Variants in CPNE4 observed in about 807,000 individuals in gnomAD.
CPNE4 encodes copine 4.
In CPNE4, 25 loss-of-function variants were observed where a neutral mutation model predicts 67.9. The ratio of observed to expected loss-of-function variants is 0.37; its 90% CI spans 0.27 to 0.51. The LOEUF (loss-of-function observed/expected upper bound fraction) is 0.51. Ranked by LOEUF, CPNE4 falls within the 20% of genes least tolerant of loss-of-function variation. The probability of loss-of-function intolerance (pLI) is 0.93; values close to 1 mark genes in which losing one functional copy is unlikely to be tolerated. For synonymous variants in CPNE4, 242 were observed against 244.9 expected, an observed-to-expected ratio of 0.99 and a Z score of 0.11; for missense variants, 464 against 690.8, an observed-to-expected ratio of 0.67 and a Z score of 3.68.
chr3:131,740,608 G>A (rs1256178894), intron 2 of CPNE4, among the ~76,000 whole-genome samples: 1 of 152,150 alleles, frequency 6.6e-6, no homozygotes, highest in Non-Finnish European at 1.5e-5. Flanking sequence ...TTCATGCCAA[G>A]TCACTATTCT....
At chr3:131,745,958 G>T (rs763442448) in intron 2 of CPNE4, among the ~76,000 whole-genome samples, 15 of 152,062 alleles carry the variant, frequency 9.9e-5, no homozygotes, top group Non-Finnish European at 1.5e-4. Flanking sequence ...TGTTAAACCT[G>T]TTTATAAATT....
chr3:131,548,899 TTATAA>T lies in CPNE4; in HGVS notation c.1302+1043_1302+1047del, dbSNP rs563371401. Among the ~76,000 whole-genome samples, 190 of 152,232 alleles carry T rather than the reference TTATAA, an allele frequency of 1.2e-3. 2 individuals are homozygous for T. Among genetic ancestry groups the T allele is most frequent in the African/African-American group, 4.2e-3 (176 of 41,546 alleles). On this transcript the variant is annotated intron_variant, in intron 14 of 15. Transcript: ENST00000429747. Reference sequence around the variant, plus strand: ...ATCTGGTTTCTGCATGGAGTGCAGATTATAAGTGGGAAAAAGTTAAGGACAGTAGC... The same window carrying T: ...ATCTGGTTTCTGCATGGAGTGCAGATGTGGGAAAAAGTTAAGGACAGTAGC...
chr3:131,913,303 C>T (rs2089055151), intron 1 of CPNE4, among the ~76,000 whole-genome samples: 1 of 152,122 alleles, frequency 6.6e-6, no homozygotes, highest in Non-Finnish European at 1.5e-5. Context: ...AGCAGTTGGG[C>T]CAGTAGGCTC....
chr3:131,729,133 C>G (rs948340841), intron 2 of CPNE4, among the ~76,000 whole-genome samples: 4 of 152,032 alleles, frequency 2.6e-5, no homozygotes, highest in African/African-American at 9.7e-5. Context: ...TCTAAGGTTT[C>G]CTGGAGAAAT....
intron 1 of CPNE4, among the ~76,000 whole-genome samples, chr3:131,942,421 CGTGTGTGTGTGTGT>C (rs745460930): frequency 3.3e-5 from 3 of 89,708 alleles, no homozygotes; most frequent in Admixed American, 1.2e-4. Flanking sequence ...CTAGCTTCCT[CGTGTGTGTGTGTGT>C]GTGTGTGTGT....
At position 131,631,903 on chromosome 3, in the gene CPNE4, TC is replaced by T. The variant is rs758667748; in HGVS notation, c.681+37771del. Among the ~76,000 whole-genome samples the T allele has an allele frequency of 1.5e-4, 23 of 149,754 alleles. 1 individual carries two copies. Among genetic ancestry groups the T allele is most frequent in the African/African-American group, 1.5e-4 (6 of 40,228 alleles). Reference sequence around the variant, plus strand: ...CCCTCCCCAACACTTTTTTCTTTTTTCTTTTTTTTTGAGACAGAGTCTCACT... The same window carrying T: ...CCCTCCCCAACACTTTTTTCTTTTTTTTTTTTTTTGAGACAGAGTCTCACT... On this transcript the variant is annotated intron_variant, in intron 7 of 15. Coordinates refer to ENST00000429747, the MANE Select transcript of CPNE4 (RefSeq NM_130808.3).
In CPNE4 at chr3:131,997,435, G is replaced by A. The variant is rs1035373427; in HGVS notation, c.-2+37132C>T. Among the ~76,000 whole-genome samples the A allele has an allele frequency of 9.9e-5, 15 of 152,166 alleles. 1 individual carries two copies. In the South Asian group the frequency reaches 2.9e-3, roughly 29 times the overall value. The stretch of plus-strand genomic sequence containing the variant: ...GGATTCAGTATCTAATATTCAGTTA[G>A]TTTTCCTTAGTCCTGGCTCTGCTAT... On this transcript the variant is annotated intron_variant, in intron 1 of 15. Coordinates refer to ENST00000429747, the MANE Select transcript of CPNE4 (RefSeq NM_130808.3).
chr3:131,750,446 G>A (rs935526146), intron 2 of CPNE4, among the ~76,000 whole-genome samples: 13 of 151,906 alleles, frequency 8.6e-5, no homozygotes, highest in Non-Finnish European at 1.5e-4. Context: ...TTTATGTAGC[G>A]TTTTTTAGTG....
chr3:131,858,910 G>A (rs2086562373), intron 2 of CPNE4, among the ~76,000 whole-genome samples: 1 of 152,078 alleles, frequency 6.6e-6, no homozygotes, highest in Non-Finnish European at 1.5e-5. Flanking sequence ...AGTGCTTTTA[G>A]GAAGCTTTAA....
rs559010284 is a variant in CPNE4 at position 131,947,304 on chromosome 3, G to A, written c.-1-41860C>T. Among the ~76,000 whole-genome samples, 3 of 152,138 alleles carry A rather than the reference G, an allele frequency of 2.0e-5. No homozygotes were observed. In the South Asian group the frequency reaches 6.2e-4, roughly 32 times the overall value. On this transcript the variant is annotated intron_variant, in intron 1 of 15. Coordinates refer to ENST00000429747, the MANE Select transcript of CPNE4 (RefSeq NM_130808.3). The stretch of plus-strand genomic sequence containing the variant: ...TACATAGGTATACATGTGCCATGGT[G>A]GTTTGCTGCACCTATCAACCCATCA...
intron 1 of CPNE4, among the ~76,000 whole-genome samples, chr3:131,924,701 T>G (rs147650014): frequency 4.2e-4 from 64 of 152,280 alleles, no homozygotes; most frequent in South Asian, 1.9e-3. Context: ...GTATTTTCAG[T>G]CCCTAGAAAG....
chr3:131,717,921 T>TCTTTCTTTC lies in CPNE4; in HGVS notation c.360+5516_360+5524dup, dbSNP rs1553758949. Among the ~76,000 whole-genome samples, 124 of 146,602 alleles carry TCTTTCTTTC rather than the reference T, an allele frequency of 8.5e-4. 2 individuals carry two copies. The highest frequency in any genetic ancestry group is 2.9e-3 in the African/African-American group (117 of 40,042). ...TTCTTTCTTTCTTTCTTTCTTTCTTTCTTTCTTTCTTTCTTTCTTTCTTTT... is the reference window on the plus strand; with the variant it reads ...TTCTTTCTTTCTTTCTTTCTTTCTTTCTTTCTTTCCTTTCTTTCTTTCTTTCTTTCTTTT... On this transcript the variant is annotated intron_variant, in intron 3 of 15. Coordinates refer to ENST00000429747, the MANE Select transcript of CPNE4 (RefSeq NM_130808.3).
intron 2 of CPNE4, among the ~76,000 whole-genome samples, chr3:131,843,829 C>T (rs1424989929): frequency 6.6e-6 from 1 of 152,082 alleles, no homozygotes; most frequent in Admixed American, 6.6e-5. Flanking sequence ...TCAAAATGTG[C>T]CCCTCTGTTC....
At chr3:131,944,659 T>C (rs1316983330) in intron 1 of CPNE4, among the ~76,000 whole-genome samples, 1 of 152,068 alleles carries the variant, frequency 6.6e-6, no homozygotes, top group African/African-American at 2.4e-5. Context: ...TTTGCTGTTT[T>C]AACTTGGTGG....
chr3:132,022,335 G>A (rs1367429619), intron 1 of CPNE4, among the ~76,000 whole-genome samples: 1 of 152,152 alleles, frequency 6.6e-6, no homozygotes, highest in Admixed American at 6.5e-5. Flanking sequence ...TGTTCCCATG[G>A]AACCATTGAG....
intron 1 of CPNE4, among the ~76,000 whole-genome samples, chr3:131,988,964 C>G (rs2073117291): frequency 6.6e-6 from 1 of 152,162 alleles, no homozygotes; most frequent in African/African-American, 2.4e-5. Context: ...ATGCATTTCC[C>G]CTCTTTCTTC....
chr3:131,727,888 A>G (rs2082037609), intron 2 of CPNE4, among the ~76,000 whole-genome samples: 1 of 152,090 alleles, frequency 6.6e-6, no homozygotes. Flanking sequence ...TCTTTCACGC[A>G]ATTATTTTGA....
At chr3:131,816,880 A>G (rs985609876) in intron 2 of CPNE4, among the ~76,000 whole-genome samples, 3 of 152,202 alleles carry the variant, frequency 2.0e-5, no homozygotes, top group African/African-American at 7.2e-5. Flanking sequence ...TCTTTTTAAA[A>G]ATCAACTTTA....
chr3:131,709,527 A>C (rs896927517), intron 3 of CPNE4, among the ~76,000 whole-genome samples: 1 of 152,306 alleles, frequency 6.6e-6, no homozygotes, highest in Non-Finnish European at 1.5e-5. Context: ...CATTCTCTAA[A>C]TCTTGTGTTA....
Sources: allele counts gnomAD v4.1 joint callset (sites outside exome capture counted in the v4.1 genomes callset), GRCh38; gene constraint gnomAD v4.1.1; transcripts MANE v1.5; gene names NCBI Gene and HGNC (gene_info 2026-07-23, HGNC 2026-07-21).